The following CA10 variants were observed in gnomAD, a reference collection of about 807,000 sequenced individuals.
CA10 encodes carbonic anhydrase 10 (inactive).
In CA10, 14 loss-of-function variants were observed where a neutral mutation model predicts 44.2. The ratio of observed to expected loss-of-function variants is 0.32; its 90% CI spans 0.21 to 0.50. CA10 has a LOEUF of 0.50. Among genes scored for constraint, CA10 ranks in the 20% least tolerant of loss-of-function variants. CA10 has a pLI of 0.99. For missense variants in CA10, 350 were observed against 409.7 expected, an observed-to-expected ratio of 0.85 and a Z score of 1.26; for synonymous variants, 159 against 141.6, an observed-to-expected ratio of 1.12 and a Z score of -0.87.
intron 3 of CA10, among the ~76,000 whole-genome samples, chr17:51,867,957 G>A (rs1444137945): frequency 6.6e-6 from 1 of 152,050 alleles, no homozygotes; most frequent in Non-Finnish European, 1.5e-5. Flanking sequence ...TAAACAGTTT[G>A]ATGATGATCC....
At chr17:51,679,789 G>C (rs1190795584) in intron 4 of CA10, among the ~76,000 whole-genome samples, 1 of 152,138 alleles carries the variant, frequency 6.6e-6, no homozygotes. Context: ...CCGTACAGCA[G>C]ATTCAGCAAA....
At chr17:51,751,343 T>A (rs527399536) in intron 3 of CA10, among the ~76,000 whole-genome samples, 1 of 152,168 alleles carries the variant, frequency 6.6e-6, no homozygotes, top group Non-Finnish European at 1.5e-5. Flanking sequence ...TGGAAACAGA[T>A]GGTGGTGATG....
At chr17:52,134,482 A>C (rs1230162665) in intron 1 of CA10, among the ~76,000 whole-genome samples, 1 of 152,202 alleles carries the variant, frequency 6.6e-6, no homozygotes, top group African/African-American at 2.4e-5. Flanking sequence ...TATAGGCATG[A>C]TAAATAATGC....
intron 3 of CA10, among the ~76,000 whole-genome samples, chr17:51,848,370 G>A (rs1323434226): frequency 2.0e-5 from 3 of 152,122 alleles, no homozygotes; most frequent in African/African-American, 4.8e-5. Context: ...TGACTCTGGT[G>A]ATATTTCTGA....
intron 2 of CA10, among the ~76,000 whole-genome samples, chr17:52,008,336 T>C (rs1985671605): frequency 6.6e-6 from 1 of 151,820 alleles, no homozygotes; most frequent in Non-Finnish European, 1.5e-5. Flanking sequence ...GTGAGATGGT[T>C]CAGAATACAT....
chr17:51,712,399 T>C (rs1168635615), intron 4 of CA10, among the ~76,000 whole-genome samples: 1 of 152,222 alleles, frequency 6.6e-6, no homozygotes, highest in Admixed American at 6.5e-5. Context: ...TTGTGAGGAT[T>C]AGGAGAAATA....
intron 2 of CA10, among the ~76,000 whole-genome samples, chr17:52,045,888 A>G (rs1481620502): frequency 1.3e-5 from 2 of 151,984 alleles, no homozygotes; most frequent in Non-Finnish European, 2.9e-5. Context: ...AAGACGTATG[A>G]CAATCACAAC....
chr17:51,991,845 G>C (rs932125275), intron 2 of CA10, among the ~76,000 whole-genome samples: 1 of 151,964 alleles, frequency 6.6e-6, no homozygotes, highest in Non-Finnish European at 1.5e-5. Flanking sequence ...TTGATGCTAG[G>C]CATTCCTAAA....
intron 1 of CA10, among the ~76,000 whole-genome samples, chr17:52,129,632 G>A (rs189900907): frequency 3.3e-5 from 5 of 152,246 alleles, no homozygotes; most frequent in South Asian, 2.1e-4. Context: ...AGCTGAGAAC[G>A]TACATAGTAC....
chr17:51,967,333 G>GAGAT (rs1555614955), intron 2 of CA10, among the ~76,000 whole-genome samples: 15 of 147,324 alleles, frequency 1.0e-4, no homozygotes, highest in South Asian at 4.3e-4. Context: ...CATTACTGGA[G>GAGAT]ATATATATAT....
At chr17:52,128,999 G>A (rs760935778) in intron 1 of CA10, among the ~76,000 whole-genome samples, 3 of 152,034 alleles carry the variant, frequency 2.0e-5, no homozygotes, top group Non-Finnish European at 1.5e-5. Flanking sequence ...CTGTTTATTC[G>A]AATGGTAACT....
chr17:51,883,434 T>A (rs1174856938), intron 3 of CA10, among the ~76,000 whole-genome samples: 1 of 152,170 alleles, frequency 6.6e-6, no homozygotes. Flanking sequence ...CATTTGTAAA[T>A]CCTTTCCTCC....
intron 3 of CA10, among the ~76,000 whole-genome samples, chr17:51,793,711 T>C (rs1838180586): frequency 6.6e-6 from 1 of 152,238 alleles, no homozygotes; most frequent in African/African-American, 2.4e-5. Flanking sequence ...GAGACCCACA[T>C]GGTATCTGTA....
chr17:51,713,543 A>G (rs569880417), intron 4 of CA10, among the ~76,000 whole-genome samples: 2 of 152,382 alleles, frequency 1.3e-5, no homozygotes, highest in East Asian at 3.9e-4. Flanking sequence ...ACTTAAGCCT[A>G]GGACCAAAGG....
intron 3 of CA10, among the ~76,000 whole-genome samples, chr17:51,842,741 C>G (rs1026168633): frequency 7.9e-5 from 12 of 150,960 alleles, no homozygotes; most frequent in African/African-American, 2.9e-4. Flanking sequence ...AGAGTCATAT[C>G]AATGAAAATG....
At chr17:52,013,673 C>T (rs576827324) in intron 2 of CA10, among the ~76,000 whole-genome samples, 9 of 151,924 alleles carry the variant, frequency 5.9e-5, no homozygotes, top group Admixed American at 1.3e-4. Context: ...CTTATGTCTT[C>T]GATGATGGTA....
intron 2 of CA10, among the ~76,000 whole-genome samples, chr17:51,949,492 T>C (rs555639167): frequency 6.6e-6 from 1 of 152,304 alleles, no homozygotes; most frequent in African/African-American, 2.4e-5. Flanking sequence ...TGCACATATG[T>C]TGGAAATTTC....
At chr17:51,788,712 C>T (rs1429433070) in intron 3 of CA10, among the ~76,000 whole-genome samples, 1 of 152,160 alleles carries the variant, frequency 6.6e-6, no homozygotes, top group East Asian at 1.9e-4. Context: ...TTCCCTTGAA[C>T]ACTTCAATGG....
At chr17:51,644,892 G>C (rs983467478) in intron 6 of CA10, among the ~76,000 whole-genome samples, 2 of 145,560 alleles carry the variant, frequency 1.4e-5, no homozygotes, top group Non-Finnish European at 3.0e-5. Context: ...TCCGCCTCCC[G>C]GGTTCAAGTG....
Sources: gnomAD v4.1 joint callset for allele counts (sites outside exome capture counted in the v4.1 genomes callset) on GRCh38, gnomAD v4.1.1 for gene constraint, MANE v1.5 for transcripts, NCBI Gene and HGNC (gene_info 2026-07-23, HGNC 2026-07-21) for gene names.